The following TMTC1 variants were observed in gnomAD, a reference collection of about 807,000 sequenced individuals.
The protein encoded by TMTC1 is transmembrane O-mannosyltransferase targeting cadherins 1.
TMTC1 carries 73 observed loss-of-function variants against 104.8 expected under a neutral mutation model. The ratio of observed to expected loss-of-function variants is 0.70; its 90% CI spans 0.58 to 0.85. The LOEUF is 0.85. Ranked by LOEUF, TMTC1 falls within the 40% of genes least tolerant of loss-of-function variation. The probability of loss-of-function intolerance (pLI) is 0.00; values close to 1 mark genes in which losing one functional copy is unlikely to be tolerated. For missense variants in TMTC1, 1,035 were observed against 1,096.1 expected (o/e 0.94, Z 0.79); for synonymous variants, 434 against 428.7 (o/e 1.01, Z -0.15).
rs529841474 is a variant in TMTC1, at chr12:29,545,801, A to G, written c.1677-9484T>C. Among the ~76,000 whole-genome samples the G allele has an allele frequency of 1.8e-4, 28 of 152,284 alleles. 1 individual carries two copies. In the South Asian group the frequency reaches 5.6e-3, roughly 30 times the overall value. ...TACCAAGGACCTGAGTTTCAAATTG[A>G]AAGTGAGAAATTATGTCCCTGGGCT... On this transcript the variant is annotated intron_variant, in intron 10 of 17. Transcript: ENST00000539277.
rs566966558 is a variant in TMTC1, at chr12:29,635,325, C to T, written c.939-1989G>A. Among the ~76,000 whole-genome samples, 3 of 152,194 alleles carry T rather than the reference C, an allele frequency of 2.0e-5. No homozygotes were observed. In the South Asian group the frequency reaches 6.2e-4, roughly 31 times the overall value. On this transcript the variant is annotated intron_variant, in intron 5 of 17. Coordinates refer to ENST00000539277, the MANE Select transcript of TMTC1 (RefSeq NM_001193451.2). The stretch of plus-strand genomic sequence containing the variant: ...CACAGACCTTTCAGGCTGATGCCAT[C>T]TACCTTTCAGCCCACTAAAGGTTCT...
intron 9 of TMTC1, among the ~76,000 whole-genome samples, chr12:29,560,456 C>T (rs1320781352): frequency 6.6e-6 from 1 of 151,944 alleles, no homozygotes; most frequent in African/African-American, 2.4e-5. Context: ...ATTATTTCCT[C>T]ATTAAAAAAG....
chr12:29,672,033 C>T (rs1232373965), intron 5 of TMTC1, among the ~76,000 whole-genome samples: 1 of 152,142 alleles, frequency 6.6e-6, no homozygotes, highest in Non-Finnish European at 1.5e-5. Flanking sequence ...GAAAGTGTCT[C>T]AAAGTCAAGT....
At chr12:29,558,912 CT>C (rs1189473673) in intron 9 of TMTC1, among the ~76,000 whole-genome samples, 1 of 152,156 alleles carries the variant, frequency 6.6e-6, no homozygotes, top group Non-Finnish European at 1.5e-5. Flanking sequence ...TCCCGCAAAG[CT>C]TGTGTCTAAG....
chr12:29,624,122 T>C (rs112758941), intron 6 of TMTC1, among the ~76,000 whole-genome samples: 7,183 of 152,026 alleles, frequency 0.047, 581 homozygotes, highest in African/African-American at 0.16. Flanking sequence ...TGGGATTACA[T>C]GCACCCACCA....
intron 11 of TMTC1, among the ~76,000 whole-genome samples, chr12:29,527,828 T>A (rs185106363): frequency 2.0e-5 from 3 of 152,218 alleles, no homozygotes; most frequent in Admixed American, 1.3e-4. Context: ...TATTTTTGCA[T>A]CCATTAGCTG....
At chr12:29,510,006 T>A (rs374608339) in intron 17 of TMTC1, among the ~76,000 whole-genome samples, 4 of 152,362 alleles carry the variant, frequency 2.6e-5, no homozygotes, top group African/African-American at 9.6e-5. Context: ...GCAGATATAC[T>A]CCATCTGAAA....
chr12:29,638,306 C>G (rs1333226550), intron 5 of TMTC1, among the ~76,000 whole-genome samples: 1 of 151,922 alleles, frequency 6.6e-6, no homozygotes, highest in East Asian at 1.9e-4. Context: ...GCCGACAGAC[C>G]CCAGCAGACA....
In TMTC1 at chr12:29,633,802, G is replaced by A. The variant is rs76326157; in HGVS notation, c.939-466C>T. 3.2e-4 allele frequency among the ~76,000 whole-genome samples: 49 copies of A among 152,246 alleles called. No individual in the cohort carries two copies. The East Asian group carries it at 6.8e-3, about 21-fold the overall frequency. On this transcript the variant is annotated intron_variant, in intron 5 of 17. Transcript: ENST00000539277. ...GTGGTATGGAGATAATATGTGGTAG[G>A]AGGGAAACTGCAGGTGTCCTTGCTG...
intron 7 of TMTC1, among the ~76,000 whole-genome samples, chr12:29,590,793 C>G (rs1243426787): frequency 6.6e-6 from 1 of 151,910 alleles, no homozygotes; most frequent in East Asian, 1.9e-4. Context: ...TCAAACAAAA[C>G]AAAACAAAAA....
chr12:29,660,055 C>G, intron 5 of TMTC1: 1 of 1,200,062 alleles, frequency 8.3e-7, no homozygotes, highest in Admixed American at 2.2e-5. Flanking sequence ...GCATTCTGTT[C>G]CTCTAACAGG....
chr12:29,523,074 C>T (rs1388558837), intron 11 of TMTC1, among the ~76,000 whole-genome samples: 1 of 152,190 alleles, frequency 6.6e-6, no homozygotes, highest in Admixed American at 6.5e-5. Context: ...AATAAACAAA[C>T]ATGACTGGCA....
At chr12:29,765,195 T>C (rs1280930208) in intron 2 of TMTC1, among the ~76,000 whole-genome samples, 1 of 152,214 alleles carries the variant, frequency 6.6e-6, no homozygotes, top group East Asian at 1.9e-4. Flanking sequence ...AGTATCTCTC[T>C]TATTTTTTTC....
rs537015753 is a variant in TMTC1, at chr12:29,571,971, T to C, written c.1532+134A>G. 1.7e-5 allele frequency: 11 copies of C among 652,712 alleles called. No homozygotes were observed. The South Asian group carries it at 2.1e-4, about 13-fold the overall frequency. The allele number at this position is 652,712 out of a possible 1,614,324, so 40.4% of individuals were successfully genotyped here. A position where few individuals can be genotyped will look rare whatever the true frequency, so the allele number is the denominator to read the frequency against. ...GCCAAAAGACTCAGAGTCCAAGAGC[T>C]ACCCCACCTCCAAGGATCAGTTTAC... On this transcript the variant is annotated intron_variant, in intron 9 of 17. Coordinates refer to ENST00000539277, the MANE Select transcript of TMTC1 (RefSeq NM_001193451.2).
At chr12:29,745,231 C>A (rs988523445) in intron 5 of TMTC1, among the ~76,000 whole-genome samples, 2 of 152,176 alleles carry the variant, frequency 1.3e-5, no homozygotes, top group African/African-American at 4.8e-5. Flanking sequence ...CAACCACCTC[C>A]CTTCTGCAGT....
At chr12:29,633,514 G>A (rs1260637696) in intron 5 of TMTC1, among the ~76,000 whole-genome samples, 178 bp from the exon 6 acceptor site, 2 of 152,112 alleles carry the variant, frequency 1.3e-5, no homozygotes, top group Non-Finnish European at 2.9e-5. Context: ...ATAGATTTGG[G>A]ATATATCTAA....
intron 5 of TMTC1, among the ~76,000 whole-genome samples, chr12:29,687,390 T>C (rs1252839132): frequency 6.6e-6 from 1 of 152,164 alleles, no homozygotes; most frequent in Non-Finnish European, 1.5e-5. Context: ...CAACATTTTA[T>C]AGAATTGCTG....
rs573306679 is a variant in TMTC1, at chr12:29,521,630, C to T, written c.1786-910G>A. 1.4e-4 allele frequency among the ~76,000 whole-genome samples: 19 copies of T among 137,142 alleles called. No homozygotes were observed. The East Asian group carries it at 3.9e-3, about 28-fold the overall frequency. The allele number at this position is 137,142 out of a possible 152,430, so 90.0% of individuals were successfully genotyped here. On this transcript the variant is annotated intron_variant, in intron 11 of 17. Coordinates refer to ENST00000539277, the MANE Select transcript of TMTC1 (RefSeq NM_001193451.2). ...TCGCCTTGGCTGGAGTGCAATGGGG[C>T]GATCTCGGCTCACTGCAACTCCTGC...
rs1395303892 is a variant in TMTC1, at chr12:29,644,117, G to A, written c.939-10781C>T. Among the ~76,000 whole-genome samples the A allele has an allele frequency of 8.2e-4, 66 of 80,922 alleles. 5 individuals carry two copies. Among genetic ancestry groups the A allele is most frequent in the African/African-American group, 1.4e-3 (24 of 17,750 alleles). The allele number at this position is 80,922 out of a possible 152,430, so 53.1% of individuals were successfully genotyped here. ...TATAAATATATAAATATATATGTGT[G>A]TGTGTGTGTGTGTGTGTGTGTGTGT... On this transcript the variant is annotated intron_variant, in intron 5 of 17. Transcript: ENST00000539277.
Sources: allele counts gnomAD v4.1 joint callset (sites outside exome capture counted in the v4.1 genomes callset), GRCh38; gene constraint gnomAD v4.1.1; transcripts MANE v1.5; gene names NCBI Gene and HGNC (gene_info 2026-07-23, HGNC 2026-07-21).